Variants in NUDT4 observed in about 807,000 individuals in gnomAD.
The protein encoded by NUDT4 is nudix hydrolase 4.
In NUDT4, 5 loss-of-function variants were observed where a neutral mutation model predicts 23.1. That is an observed-to-expected ratio of 0.22 (90% CI 0.11 to 0.46). NUDT4 has a LOEUF of 0.46. Among genes scored for constraint, NUDT4 ranks in the 20% least tolerant of loss-of-function variants. The pLI is 0.99. For missense variants in NUDT4, 96 were observed against 211.6 expected (o/e 0.45, Z 3.39); for synonymous variants, 50 against 79.0 (o/e 0.63, Z 1.95).
intron 4 of NUDT4, 132 bp downstream of exon 4, chr12:93,398,987 ATTTT>A: frequency 1.5e-6 from 1 of 680,450 alleles, no homozygotes; most frequent in Non-Finnish European, 2.4e-6. Flanking sequence ...TCCATCCTAG[ATTTT>A]TTTTTTTTTG....
In NUDT4 at chr12:93,378,546, CCTCCTTTCCTCCCTCA is replaced by C. The variant is rs1170372212; in HGVS notation, c.99+144_99+159del. 528 of 1,308,336 alleles carry C rather than the reference CCTCCTTTCCTCCCTCA, an allele frequency of 4.0e-4. 1 individual carries two copies. The East Asian group carries it at 0.011, about 26-fold the overall frequency. 81.0% of individuals were successfully genotyped at this position (1,308,336 alleles called of 1,614,324 possible). On this transcript the variant is annotated intron_variant, in intron 1 of 4. Transcript: ENST00000415493. ...GAGGGATTAGCCCCCTTCCTCCCTCCCTCCTTTCCTCCCTCACTCCTTTCCTCCCTCACTTCTTCCT... is the reference window on the plus strand; with the variant it reads ...GAGGGATTAGCCCCCTTCCTCCCTCCCTCCTTTCCTCCCTCACTTCTTCCT...
chr12:93,391,145 GA>G (rs547591581), intron 1 of NUDT4, among the ~76,000 whole-genome samples: 1 of 151,084 alleles, frequency 6.6e-6, no homozygotes, highest in African/African-American at 2.4e-5. Flanking sequence ...GCATTTAAAA[GA>G]AAAAAAAATC....
At position 93,378,367 on chromosome 12, in the gene NUDT4, G is replaced by T; in HGVS notation, c.45G>T (p.Glu15Asp). 1 of 1,546,198 alleles carries T rather than the reference G, an allele frequency of 6.5e-7. No individual in the cohort carries two copies. The highest frequency in any genetic ancestry group is 8.7e-7 in the Non-Finnish European group (1 of 1,144,528). The change falls in exon 1 of 5, where the codon GAG (glutamate) becomes GAT (aspartate). Residue 15 changes from glutamate (E) to aspartate (D), a missense_variant. By Grantham distance (45) the Glu-to-Asp change is conservative. Coordinates refer to ENST00000415493, the MANE Select transcript of NUDT4 (RefSeq NM_019094.6). Reference sequence around the variant, plus strand: ...ACCAGACGCGGACCTACGACCGCGAGGGCTTCAAGAAGCGGGCGGCGTGCC... The same window carrying T: ...ACCAGACGCGGACCTACGACCGCGATGGCTTCAAGAAGCGGGCGGCGTGCC... ...KPNQTRTYDR[E>D]GFKKRAACLC... is the part of the protein sequence containing the mutation.
intron 4 of NUDT4, 56 bp downstream of exon 4, chr12:93,398,911 C>A: frequency 8.3e-7 from 1 of 1,207,890 alleles, no homozygotes; most frequent in Non-Finnish European, 1.2e-6. Flanking sequence ...TGGGAAGATT[C>A]TGTTAATATA....
Position 93,395,550 on chromosome 12 carries a change from T to C in NUDT4, c.255+17T>C. On this transcript the variant is annotated intron_variant, in intron 3 of 4. Transcript: ENST00000415493. ...ATATTTGAGGTGAGTTAAAAAGTAA[T>C]CTTCACTTTGCTGATAATAGAATTA... 6.3e-7 allele frequency: 1 copy of C among 1,588,592 alleles called. No individual in the cohort carries two copies. Among genetic ancestry groups the C allele is most frequent in the Non-Finnish European group, 8.6e-7 (1 of 1,156,926 alleles).
rs574869801 is a variant in NUDT4, at chr12:93,403,007, T to C, written c.*3628T>C. The C allele has an allele frequency of 7.5e-4, 114 of 151,006 alleles. No individual in the cohort carries two copies. The highest frequency in any genetic ancestry group is 2.7e-3 in the African/African-American group (110 of 40,804). The allele number at this position is 151,006 out of a possible 1,614,324, so 9.4% of individuals were successfully genotyped here. On this transcript the variant is annotated 3_prime_UTR_variant, in exon 5 of 5. Coordinates refer to ENST00000415493, the MANE Select transcript of NUDT4 (RefSeq NM_019094.6). ...CCAATGTTGTCTTCACATTGGAGTA[T>C]AAGAATTCTCTATAGGACTCTTTAA... is the stretch of plus-strand genomic sequence containing the variant.
chr12:93,406,677 TTTACATAGCAC>T lies in NUDT4; in HGVS notation c.*7305_*7315del, dbSNP rs1274440485. 6.6e-6 allele frequency: 1 copy of T among 152,206 alleles called. No homozygotes were observed. Among genetic ancestry groups the T allele is most frequent in the African/African-American group, 2.4e-5 (1 of 41,438 alleles). The allele number at this position is 152,206 out of a possible 1,614,324, so 9.4% of individuals were successfully genotyped here. On this transcript the variant is annotated 3_prime_UTR_variant, in exon 5 of 5. Coordinates refer to ENST00000415493, the MANE Select transcript of NUDT4 (RefSeq NM_019094.6). ...TATTCCTTAAACAATAGTGTAACTA[TTTACATAGCAC>T]TTACATTATAATAGGTATTATAAGT...
At chr12:93,383,913 G>A (rs1454816753) in intron 1 of NUDT4, among the ~76,000 whole-genome samples, 1 of 152,168 alleles carries the variant, frequency 6.6e-6, no homozygotes, top group Non-Finnish European at 1.5e-5. Flanking sequence ...GTCACTTGAG[G>A]TTCTCTGGAT....
chr12:93,386,881 C>A (rs765772256), intron 1 of NUDT4, among the ~76,000 whole-genome samples: 2 of 152,082 alleles, frequency 1.3e-5, no homozygotes, highest in Admixed American at 1.3e-4. Flanking sequence ...TGAAAGTACA[C>A]CTTCTTATTA....
At chr12:93,390,580 T>C (rs540405328) in intron 1 of NUDT4, among the ~76,000 whole-genome samples, 1 of 152,072 alleles carries the variant, frequency 6.6e-6, no homozygotes, top group East Asian at 1.9e-4. Flanking sequence ...TAAAGTCTCA[T>C]CTGGGTATAA....
At chr12:93,394,512 CTAGAA>C (rs1418650558) in intron 1 of NUDT4, 92 bp from the exon 2 acceptor site, 1 of 629,794 alleles carries the variant, frequency 1.6e-6, no homozygotes, top group South Asian at 2.4e-5. Context: ...ATATTTTAAT[CTAGAA>C]TAGAGTTATA....
chr12:93,405,894 T>G lies in NUDT4; in HGVS notation c.*6515T>G, dbSNP rs1489423672. On this transcript the variant is annotated 3_prime_UTR_variant, in exon 5 of 5. Coordinates refer to ENST00000415493, the MANE Select transcript of NUDT4 (RefSeq NM_019094.6). ...ATTTTTCTTAAATAAAGCAATAAAT[T>G]AGGTACCCTATTATCATGGTATTTT... is the stretch of plus-strand genomic sequence containing the variant. The G allele has an allele frequency of 6.6e-6, 1 of 152,198 alleles. No individual in the cohort carries two copies. The highest frequency in any genetic ancestry group is 1.9e-4 in the East Asian group (1 of 5,200). The allele number at this position is 152,198 out of a possible 1,614,324, so 9.4% of individuals were successfully genotyped here.
chr12:93,382,356 G>A (rs1412996668), intron 1 of NUDT4, among the ~76,000 whole-genome samples: 3 of 151,870 alleles, frequency 2.0e-5, no homozygotes, highest in African/African-American at 4.8e-5. Flanking sequence ...GCCAGGGGCT[G>A]TCTTCTACAG....
At chr12:93,378,454 G>A in intron 1 of NUDT4, 33 bp downstream of exon 1, 2 of 1,522,828 alleles carry the variant, frequency 1.3e-6, no homozygotes, top group South Asian at 2.5e-5. Flanking sequence ...CTGCCCTCCG[G>A]GGCGCCGGGG....
intron 1 of NUDT4, among the ~76,000 whole-genome samples, chr12:93,393,802 C>G (rs1258136514): frequency 6.6e-6 from 1 of 152,158 alleles, no homozygotes; most frequent in South Asian, 2.1e-4. Context: ...CAGTAACAAG[C>G]ACTCTGTATC....
chr12:93,398,357 AAAG>A lies in NUDT4; in HGVS notation c.256-411_256-409del, dbSNP rs1287547371. On this transcript the variant is annotated intron_variant, in intron 3 of 4. Transcript: ENST00000415493. ...CTGTCTCAAAAAAAAAAAAAAAAAAAAAGAAAAGAACATCAGATATATAGAAAT... is the reference window on the plus strand; with the variant it reads ...CTGTCTCAAAAAAAAAAAAAAAAAAAAAAAGAACATCAGATATATAGAAAT... 2.5e-3 allele frequency among the ~76,000 whole-genome samples: 362 copies of A among 143,386 alleles called. 6 individuals carry two copies. The highest frequency in any genetic ancestry group is 0.01 in the African/African-American group (349 of 33,872). The allele number at this position is 143,386 out of a possible 152,430, so 94.1% of individuals were successfully genotyped here.
rs1395415827 is a variant in NUDT4, at chr12:93,395,536, G to A, written c.255+3G>A. The A allele has an allele frequency of 3.7e-6, 6 of 1,602,264 alleles. No individual in the cohort carries two copies. The highest frequency in any genetic ancestry group is 5.1e-6 in the Non-Finnish European group (6 of 1,169,502). ...GCAGACTTCTGGGCATATTTGAGGT[G>A]AGTTAAAAAGTAATCTTCACTTTGC... On this transcript the variant is annotated splice_donor_region_variant and intron_variant, in intron 3 of 4. Transcript: ENST00000415493.
chr12:93,405,734 T>C lies in NUDT4; in HGVS notation c.*6355T>C, dbSNP rs931698895. On this transcript the variant is annotated 3_prime_UTR_variant, in exon 5 of 5. Coordinates refer to ENST00000415493, the MANE Select transcript of NUDT4 (RefSeq NM_019094.6). The stretch of plus-strand genomic sequence containing the variant: ...ATTATTTACACTTCTCTCAAATTAT[T>C]ACATTCAGCATGTTTTGCTTTTTAT... The C allele has an allele frequency of 2.0e-5, 3 of 152,230 alleles. No individual in the cohort carries two copies. The highest frequency in any genetic ancestry group is 7.2e-5 in the African/African-American group (3 of 41,456). The allele number at this position is 152,230 out of a possible 1,614,324, so 9.4% of individuals were successfully genotyped here.
In NUDT4 at chr12:93,403,128, C is replaced by T. The variant is rs1877592695; in HGVS notation, c.*3749C>T. 1 of 151,610 alleles carries T rather than the reference C, an allele frequency of 6.6e-6. No homozygotes were observed. Among genetic ancestry groups the T allele is most frequent in the Non-Finnish European group, 1.5e-5 (1 of 68,004 alleles). 9.4% of individuals were successfully genotyped at this position (151,610 alleles called of 1,614,324 possible). On this transcript the variant is annotated 3_prime_UTR_variant, in exon 5 of 5. Transcript: ENST00000415493. ...AGCAGTCCTCCAGCCTCAGCCTTCTCAAAGTGCTAGGATGATTGGCATGAG... is the reference window on the plus strand; with the variant it reads ...AGCAGTCCTCCAGCCTCAGCCTTCTTAAAGTGCTAGGATGATTGGCATGAG...
Sources: allele counts gnomAD v4.1 joint callset (sites outside exome capture counted in the v4.1 genomes callset), GRCh38; gene constraint gnomAD v4.1.1; transcripts MANE v1.5; gene names NCBI Gene and HGNC (gene_info 2026-07-23, HGNC 2026-07-21).